Variants in ABHD12 observed in about 807,000 individuals in gnomAD.
The protein encoded by ABHD12 is lysophosphatidylserine lipase ABHD12.
Under a neutral mutation model 58.3 loss-of-function variants are expected in ABHD12, and 43 were observed. That is an observed-to-expected ratio of 0.74 (90% confidence interval 0.58 to 0.95). The LOEUF (loss-of-function observed/expected upper bound fraction) is 0.95. Among genes scored for constraint, ABHD12 ranks in the 40% least tolerant of loss-of-function variants. The pLI, the probability that ABHD12 is intolerant of heterozygous loss-of-function variation, is 0.00. For synonymous variants in ABHD12, 219 were observed against 211.2 expected (o/e 1.04, Z -0.32); for missense variants, 539 against 537.2 (o/e 1.00, Z -0.03).
chr20:25,295,752 A>G (rs1174518838), downstream of ABHD12: 1 of 1,443,222 alleles, frequency 6.9e-7, no homozygotes, highest in Non-Finnish European at 9.7e-7. Flanking sequence ...TTATTTCCCA[A>G]GCTGAGTAGA....
At chr20:25,344,678 T>C (rs1371812830) in intron 1 of ABHD12, among the ~76,000 whole-genome samples, 2 of 152,180 alleles carry the variant, frequency 1.3e-5, no homozygotes, top group Non-Finnish European at 2.9e-5. Flanking sequence ...AAAGTTTATA[T>C]GGAAAGGCAA....
At chr20:25,383,131 G>A (rs1368811987) in intron 1 of ABHD12, among the ~76,000 whole-genome samples, 1 of 152,158 alleles carries the variant, frequency 6.6e-6, no homozygotes, top group Non-Finnish European at 1.5e-5. Flanking sequence ...ATACCATACA[G>A]GGACACTTAG....
chr20:25,377,154 G>A (rs2089971371), intron 1 of ABHD12, among the ~76,000 whole-genome samples: 1 of 152,134 alleles, frequency 6.6e-6, no homozygotes, highest in Admixed American at 6.5e-5. Context: ...CTTCCTCCTG[G>A]AACCCTAAGC....
At chr20:25,296,475 G>C, downstream of ABHD12, 2 of 1,613,864 alleles carry the variant, frequency 1.2e-6, no homozygotes. Flanking sequence ...CTGGGGTGTG[G>C]AGCCCTCCGA....
At chr20:25,379,909 C>CAA (rs1194200380) in intron 1 of ABHD12, among the ~76,000 whole-genome samples, 1 of 150,974 alleles carries the variant, frequency 6.6e-6, no homozygotes, top group Non-Finnish European at 1.5e-5. Context: ...AGGCTGGTCT[C>CAA]AGATTCCTGG....
intron 1 of ABHD12, among the ~76,000 whole-genome samples, chr20:25,351,023 G>C (rs1311593164): frequency 6.7e-6 from 1 of 148,488 alleles, no homozygotes; most frequent in Admixed American, 6.7e-5. Context: ...TTATTAAGCT[G>C]GTATATAAAC....
intron 6 of ABHD12, among the ~76,000 whole-genome samples, chr20:25,314,536 G>A (rs970180842): frequency 1.3e-5 from 2 of 152,004 alleles, no homozygotes; most frequent in Non-Finnish European, 1.5e-5. Flanking sequence ...ACAAAACAGC[G>A]GGTGTGGTGT....
At chr20:25,296,456 A>G, downstream of ABHD12, 4 of 1,613,948 alleles carry the variant, frequency 2.5e-6, no homozygotes, top group South Asian at 3.3e-5. Flanking sequence ...CGGAGTATGC[A>G]CGGGAGATCT....
At chr20:25,303,973 TAA>T (rs1256698924) in intron 10 of ABHD12, among the ~76,000 whole-genome samples, 1 of 152,212 alleles carries the variant, frequency 6.6e-6, no homozygotes, top group Non-Finnish European at 1.5e-5. Context: ...AATCTGTTGG[TAA>T]AAAAAGTCAA....
intron 1 of ABHD12, 181 bp from the exon 2 acceptor site, chr20:25,339,532 C>T (rs749241754): frequency 3.6e-6 from 5 of 1,392,290 alleles, no homozygotes; most frequent in Non-Finnish European, 5.0e-6. Flanking sequence ...TTTACATAGT[C>T]TTTTAATTTG....
At chr20:25,353,894 G>A (rs538234210) in intron 1 of ABHD12, among the ~76,000 whole-genome samples, 3 of 152,122 alleles carry the variant, frequency 2.0e-5, no homozygotes, top group East Asian at 1.9e-4. Context: ...TGACTGCTGC[G>A]TGATCACTAA....
At chr20:25,316,559 T>G (rs2088965771) in intron 5 of ABHD12, among the ~76,000 whole-genome samples, 1 of 152,264 alleles carries the variant, frequency 6.6e-6, no homozygotes, top group African/African-American at 2.4e-5. Context: ...ACAAAGCCCA[T>G]ACATTCTGAT....
Position 25,369,232 on chromosome 20 carries a change from A to G in ABHD12, c.191+21281T>C, listed in dbSNP as rs73347058. Reference sequence around the variant, plus strand: ...ATGTTGGGCATCTATTCATGTGCTTATAAGTCATCTATCCGTCTTTAGAGA... The same window carrying G: ...ATGTTGGGCATCTATTCATGTGCTTGTAAGTCATCTATCCGTCTTTAGAGA... On this transcript the variant is annotated intron_variant, in intron 1 of 12. Coordinates refer to ENST00000339157, the MANE Select transcript of ABHD12 (RefSeq NM_001042472.3). Among the ~76,000 whole-genome samples, 1,004 of 152,300 alleles carry G rather than the reference A, an allele frequency of 6.6e-3. 16 individuals carry two copies. Among genetic ancestry groups the G allele is most frequent in the African/African-American group, 0.023 (961 of 41,570 alleles).
chr20:25,367,320 C>T (rs1380621466), intron 1 of ABHD12, among the ~76,000 whole-genome samples: 2 of 152,068 alleles, frequency 1.3e-5, no homozygotes, highest in Non-Finnish European at 2.9e-5. Flanking sequence ...GAGGAGGGAC[C>T]ATTCATATTA....
At chr20:25,383,114 T>C (rs570981705) in intron 1 of ABHD12, among the ~76,000 whole-genome samples, 1 of 152,214 alleles carries the variant, frequency 6.6e-6, no homozygotes, top group South Asian at 2.1e-4. Context: ...AAAGAAAAGA[T>C]GAAGAGATAC....
chr20:25,313,624 A>T (rs986994696), intron 6 of ABHD12, among the ~76,000 whole-genome samples: 1 of 148,358 alleles, frequency 6.7e-6, no homozygotes, highest in African/African-American at 2.5e-5. Flanking sequence ...AAAATAAAAT[A>T]AAATAACATT....
chr20:25,298,348 C>G (rs1431812086), downstream of ABHD12, among the ~76,000 whole-genome samples: 3 of 152,136 alleles, frequency 2.0e-5, no homozygotes, highest in Non-Finnish European at 4.4e-5. Context: ...TCGCTGCAAC[C>G]TCCGCCTCCT....
chr20:25,303,393 G>T, intron 11 of ABHD12, 157 bp downstream of exon 11: 1 of 1,521,506 alleles, frequency 6.6e-7, no homozygotes, highest in Non-Finnish European at 8.8e-7. Flanking sequence ...GACGCAGGGA[G>T]GATGAGGTGG....
At chr20:25,381,367 G>T (rs2090019660) in intron 1 of ABHD12, among the ~76,000 whole-genome samples, 1 of 152,108 alleles carries the variant, frequency 6.6e-6, no homozygotes, top group Non-Finnish European at 1.5e-5. Flanking sequence ...AAGGCCAGGA[G>T]AACTGCAACG....
Sources: gnomAD v4.1 joint callset for allele counts (sites outside exome capture counted in the v4.1 genomes callset) on GRCh38, gnomAD v4.1.1 for gene constraint, MANE v1.5 for transcripts, NCBI Gene and HGNC (gene_info 2026-07-23, HGNC 2026-07-21) for gene names.